Variants in BACH2 observed in about 807,000 individuals in gnomAD.
BACH2 encodes the protein transcription regulator protein BACH2.
In BACH2, 5 loss-of-function variants were observed where a neutral mutation model predicts 61.8. The observed-to-expected ratio is 0.08, with a 90% CI of 0.04 to 0.17. The LOEUF is 0.17. Ranked by LOEUF, BACH2 falls within the 10% of genes least tolerant of loss-of-function variation. BACH2 has a pLI of 1.00. For synonymous variants in BACH2, 446 were observed against 440.1 expected (o/e 1.01, Z -0.17); for missense variants, 824 against 1,091.1 (o/e 0.76, Z 3.45).
At chr6:90,257,976 A>G (rs1395621278) in intron 2 of BACH2, among the ~76,000 whole-genome samples, 6 of 152,098 alleles carry the variant, frequency 3.9e-5, no homozygotes, top group Admixed American at 1.3e-4. Context: ...GGGTTTCACC[A>G]TGTTGGCCAG....
intron 5 of BACH2, among the ~76,000 whole-genome samples, chr6:90,068,200 T>C (rs1781054027): frequency 6.6e-6 from 1 of 152,200 alleles, no homozygotes. Flanking sequence ...AGTTCAGAGC[T>C]TTTAAAAAAT....
At chr6:90,143,272 A>G (rs1381402517) in intron 4 of BACH2, among the ~76,000 whole-genome samples, 1 of 152,158 alleles carries the variant, frequency 6.6e-6, no homozygotes, top group African/African-American at 2.4e-5. Flanking sequence ...AATGAAGGAA[A>G]AATTAATAGT....
At chr6:90,232,760 C>G (rs951874326) in intron 3 of BACH2, among the ~76,000 whole-genome samples, 10 of 152,188 alleles carry the variant, frequency 6.6e-5, no homozygotes, top group Non-Finnish European at 1.2e-4. Flanking sequence ...TCCCATGACA[C>G]TTCTCTTTCC....
chr6:90,105,093 C>T (rs1418592090), intron 4 of BACH2, among the ~76,000 whole-genome samples: 2 of 152,196 alleles, frequency 1.3e-5, no homozygotes, highest in African/African-American at 2.4e-5. Context: ...AATATTACAG[C>T]CAGACCTGTC....
chr6:90,058,921 A>T (rs1780527423), intron 5 of BACH2, among the ~76,000 whole-genome samples: 1 of 152,266 alleles, frequency 6.6e-6, no homozygotes, highest in Admixed American at 6.5e-5. Flanking sequence ...GGTTAGCCAT[A>T]TGTAGAAAGC....
chr6:89,979,736 T>C (rs940463619), intron 6 of BACH2, among the ~76,000 whole-genome samples: 4 of 152,230 alleles, frequency 2.6e-5, no homozygotes, highest in Non-Finnish European at 5.9e-5. Context: ...AGATATGAGT[T>C]TGGGAGCTGA....
chr6:90,084,133 G>A (rs1185906805), intron 5 of BACH2, among the ~76,000 whole-genome samples: 3 of 152,052 alleles, frequency 2.0e-5, no homozygotes, highest in African/African-American at 7.2e-5. Flanking sequence ...AAGTATGAAG[G>A]TTAGCTAATT....
At chr6:90,053,306 G>A (rs549986189) in intron 5 of BACH2, among the ~76,000 whole-genome samples, 3 of 151,868 alleles carry the variant, frequency 2.0e-5, no homozygotes, top group Admixed American at 2.0e-4. Context: ...TAGAGACAGG[G>A]TTGTACTTTG....
intron 1 of BACH2, among the ~76,000 whole-genome samples, chr6:90,273,790 C>T (rs1771602719): frequency 2.0e-5 from 3 of 152,106 alleles, no homozygotes; most frequent in Admixed American, 6.5e-5. Flanking sequence ...GGGAAGCTCA[C>T]AGGCTGGAAA....
chr6:90,194,069 T>A (rs1378405124), intron 4 of BACH2, among the ~76,000 whole-genome samples: 2 of 141,718 alleles, frequency 1.4e-5, no homozygotes, highest in Admixed American at 1.4e-4. Context: ...TCCACTTAAT[T>A]TTTTTTTTTT....
intron 4 of BACH2, among the ~76,000 whole-genome samples, chr6:90,184,974 T>A (rs377154829): frequency 1.3e-5 from 2 of 152,184 alleles, no homozygotes. Flanking sequence ...GTGAGTTCTT[T>A]AGAGACTGAA....
chr6:90,039,357 C>A (rs1779414792), intron 5 of BACH2, among the ~76,000 whole-genome samples: 1 of 152,090 alleles, frequency 6.6e-6, no homozygotes, highest in Non-Finnish European at 1.5e-5. Context: ...TGGGACAGTA[C>A]CAATTTATAC....
chr6:90,262,918 T>A (rs531880595), intron 2 of BACH2, among the ~76,000 whole-genome samples: 2 of 152,302 alleles, frequency 1.3e-5, no homozygotes, highest in East Asian at 1.9e-4. Flanking sequence ...AGGAAAAGCA[T>A]GGCTTTGATA....
At chr6:89,990,056 T>G (rs1776459979) in intron 6 of BACH2, among the ~76,000 whole-genome samples, 1 of 152,176 alleles carries the variant, frequency 6.6e-6, no homozygotes, top group African/African-American at 2.4e-5. Context: ...CAGCTCAACC[T>G]TGCGGGGCCA....
chr6:89,977,502 C>T (rs6454794), intron 6 of BACH2, among the ~76,000 whole-genome samples: 1 of 152,060 alleles, frequency 6.6e-6, no homozygotes, highest in Admixed American at 6.5e-5. Context: ...GCTTTGCAAT[C>T]CATTTCTTTC....
At chr6:90,110,800 G>A (rs993479428) in intron 4 of BACH2, among the ~76,000 whole-genome samples, 15 of 152,142 alleles carry the variant, frequency 9.9e-5, no homozygotes, top group Non-Finnish European at 2.2e-4. Flanking sequence ...AGTTCAGCTT[G>A]CGACTCAAAC....
chr6:90,245,701 C>A (rs1770611015), intron 3 of BACH2, among the ~76,000 whole-genome samples: 1 of 152,150 alleles, frequency 6.6e-6, no homozygotes, highest in Non-Finnish European at 1.5e-5. Context: ...TCTGTTCCTG[C>A]TAAGATGAAC....
At chr6:90,207,767 C>A (rs185370453) in intron 3 of BACH2, among the ~76,000 whole-genome samples, 1 of 152,098 alleles carries the variant, frequency 6.6e-6, no homozygotes. Context: ...CCCACCATAA[C>A]CATCTTTAGT....
chr6:89,952,529 G>A (rs954600479), intron 6 of BACH2, among the ~76,000 whole-genome samples: 1 of 152,132 alleles, frequency 6.6e-6, no homozygotes, highest in Non-Finnish European at 1.5e-5. Flanking sequence ...TGCTCAAGAT[G>A]AAATCAACCC....
Sources: allele counts gnomAD v4.1 joint callset (sites outside exome capture counted in the v4.1 genomes callset), GRCh38; gene constraint gnomAD v4.1.1; transcripts MANE v1.5; gene names NCBI Gene and HGNC (gene_info 2026-07-23, HGNC 2026-07-21).